The following KIF13A variants were observed in gnomAD, a reference collection of about 807,000 sequenced individuals.
KIF13A encodes the protein kinesin-like protein KIF13A.
Under a neutral mutation model 212.2 loss-of-function variants are expected in KIF13A, and 79 were observed. The observed-to-expected ratio is 0.37, with a 90% CI of 0.31 to 0.45. KIF13A has a LOEUF of 0.45. KIF13A is among the 20% of genes least tolerant of loss of function. KIF13A has a pLI of 1.00. For synonymous variants in KIF13A, 789 were observed against 808.6 expected, an observed-to-expected ratio of 0.98 and a Z score of 0.41; for missense variants, 1,901 against 2,209.0, an observed-to-expected ratio of 0.86 and a Z score of 2.79.
chr6:17,897,034 C>T lies in KIF13A; in HGVS notation c.159+1134G>A, dbSNP rs1772632144. Among the ~76,000 whole-genome samples the T allele has an allele frequency of 1.3e-5, 2 of 152,148 alleles. No individual in the cohort carries two copies. On this transcript the variant is annotated intron_variant, in intron 3 of 38. Coordinates refer to ENST00000259711, the MANE Select transcript of KIF13A (RefSeq NM_022113.6). The surrounding 1 kb of genome is among the most constrained non-coding windows in gnomAD (Gnocchi z 4.8). ...CCTAGATTTGTCCAGAATGCCACTG[C>T]CAATACTTTTCTAATATATTATATA...
At chr6:17,860,164 G>C (rs1400290369) in intron 4 of KIF13A, among the ~76,000 whole-genome samples, 1 of 152,006 alleles carries the variant, frequency 6.6e-6, no homozygotes, top group Non-Finnish European at 1.5e-5. Context: ...TTTACAGACT[G>C]TCAGAACTCA....
chr6:17,916,060 C>A (rs193226075), intron 2 of KIF13A, among the ~76,000 whole-genome samples: 4 of 152,136 alleles, frequency 2.6e-5, no homozygotes, highest in African/African-American at 9.7e-5. Flanking sequence ...GTTTCTCATC[C>A]TGATTCCCAA....
At chr6:17,885,382 G>A (rs1383055508) in intron 3 of KIF13A, among the ~76,000 whole-genome samples, 1 of 152,096 alleles carries the variant, frequency 6.6e-6, no homozygotes, top group African/African-American at 2.4e-5. Context: ...CTGTCTTTTG[G>A]CAATGTAATT....
chr6:17,793,640 C>T (rs190429094), intron 25 of KIF13A, among the ~76,000 whole-genome samples: 25 of 151,912 alleles, frequency 1.6e-4, no homozygotes, highest in African/African-American at 6.0e-4. Context: ...TGGCCAGGTG[C>T]GGTGGCTCAT....
intron 16 of KIF13A, among the ~76,000 whole-genome samples, chr6:17,822,262 C>A (rs966286524): frequency 6.6e-6 from 1 of 152,094 alleles, no homozygotes; most frequent in African/African-American, 2.4e-5. Flanking sequence ...AGGGTGGTCT[C>A]GAACTCCTGA....
At position 17,841,677 on chromosome 6, in the gene KIF13A, T is replaced by C. The variant is rs551737115; in HGVS notation, c.831-4094A>G. Among the ~76,000 whole-genome samples the C allele has an allele frequency of 4.6e-5, 7 of 152,302 alleles. No individual in the cohort carries two copies. The South Asian group carries it at 6.2e-4, about 14-fold the overall frequency. ...AGTAGAAGCCGCCCCTTTTATCTAA[T>C]AGTATCCACACATTCAAAACAAGAA... On this transcript the variant is annotated intron_variant, in intron 9 of 38. Coordinates refer to ENST00000259711, the MANE Select transcript of KIF13A (RefSeq NM_022113.6).
intron 19 of KIF13A, among the ~76,000 whole-genome samples, 196 bp downstream of exon 19, chr6:17,805,279 G>A (rs115404796): frequency 0.023 from 3,493 of 152,146 alleles, 92 homozygotes; most frequent in African/African-American, 0.056. Context: ...GGGATCATGT[G>A]TTGTATTACT....
At chr6:17,792,938 T>C (rs903511096) in intron 25 of KIF13A, among the ~76,000 whole-genome samples, 1 of 152,166 alleles carries the variant, frequency 6.6e-6, no homozygotes, top group African/African-American at 2.4e-5. Context: ...CTCGGCACGA[T>C]AGGGAGAGTG....
rs1772985244 is a variant in KIF13A, at chr6:17,900,831, C to A, written c.147-2651G>T. 6.6e-6 allele frequency among the ~76,000 whole-genome samples: 1 copy of A among 152,144 alleles called. No homozygotes were observed. Among genetic ancestry groups the A allele is most frequent in the Non-Finnish European group, 1.5e-5 (1 of 68,032 alleles). On this transcript the variant is annotated intron_variant, in intron 2 of 38. Transcript: ENST00000259711. This position sits in a 1 kb window ranked among gnomAD's most constrained non-coding sequence, Gnocchi z 4.6. The stretch of plus-strand genomic sequence containing the variant: ...CAGTGGCTCACACCTGTAATCCCAG[C>A]ACTTTGGGAGGCTGAGGCAGGCGGA...
At chr6:17,842,088 G>A (rs1766585335) in intron 9 of KIF13A, among the ~76,000 whole-genome samples, 1 of 150,264 alleles carries the variant, frequency 6.7e-6, no homozygotes, top group African/African-American at 2.5e-5. Context: ...TTGCTCTGTC[G>A]CCCAGGCTGG....
chr6:17,973,514 T>C (rs2150614701), intron 2 of KIF13A, among the ~76,000 whole-genome samples: 1 of 152,224 alleles, frequency 6.6e-6, no homozygotes, highest in African/African-American at 2.4e-5. Flanking sequence ...GGCCAAGAAG[T>C]AAATTAAAAT....
rs149283256 is a variant in KIF13A at position 17,770,879 on chromosome 6, G to A, written c.4581+235C>T. ...TATAAAGGCCAGAAGCAATAAAAGT[G>A]CCTTTCTCCCTTTTTCTAAGCAAAC... On this transcript the variant is annotated intron_variant, in intron 38 of 38. Coordinates refer to ENST00000259711, the MANE Select transcript of KIF13A (RefSeq NM_022113.6). 1.4e-4 allele frequency: 84 copies of A among 580,918 alleles called. 1 individual carries two copies. In the African/African-American group the frequency reaches 1.4e-3, roughly 10 times the overall value. The allele number at this position is 580,918 out of a possible 1,614,324, so 36.0% of individuals were successfully genotyped here. A position where few individuals can be genotyped will look rare whatever the true frequency, so the allele number is the denominator to read the frequency against.
At chr6:17,851,906 C>CT in intron 7 of KIF13A, 49 bp downstream of exon 7, 1 of 997,160 alleles carries the variant, frequency 1.0e-6, no homozygotes, top group Middle Eastern at 2.1e-4. Context: ...CACTTACATA[C>CT]TTTGATTTAT....
In KIF13A at chr6:17,786,611, T is replaced by C. The variant is rs9383324; in HGVS notation, c.3362-970A>G. ...GGAGACTCCATCTCAAAAATAAAAA[T>C]AAAAAAATAAAAAACCCACCATATA... On this transcript the variant is annotated intron_variant, in intron 27 of 38. Coordinates refer to ENST00000259711, the MANE Select transcript of KIF13A (RefSeq NM_022113.6). This position sits in a 1 kb window ranked among gnomAD's most constrained non-coding sequence, Gnocchi z 5.4. Among the ~76,000 whole-genome samples the C allele has an allele frequency of 6.6e-6, 1 of 151,712 alleles. No homozygotes were observed. The highest frequency in any genetic ancestry group is 6.6e-5 in the Admixed American group (1 of 15,230).
Position 17,951,484 on chromosome 6 carries a change from A to G in KIF13A, c.146+35570T>C, listed in dbSNP as rs533478708. On this transcript the variant is annotated intron_variant, in intron 2 of 38. Transcript: ENST00000259711. The surrounding 1 kb of genome is among the most constrained non-coding windows in gnomAD (Gnocchi z 4.9). The stretch of plus-strand genomic sequence containing the variant: ...TTAAGATATAATTTATATACCATAC[A>G]ATTTACCCACTAAAAGTGTCCAATT... 1.0e-5 allele frequency: 5 copies of G among 478,198 alleles called. No individual in the cohort carries two copies. The highest frequency in any genetic ancestry group is 2.0e-5 in the African/African-American group (1 of 49,898). The allele number at this position is 478,198 out of a possible 1,614,324, so 29.6% of individuals were successfully genotyped here.
rs146153715 is a variant in KIF13A at position 17,832,594 on chromosome 6, C to T, written c.1267-1359G>A. ...CGGAGGTTGCAGTGAGCCAAGATTG[C>T]GCCACTGCATTCCAGCCTGGGTGAC... is the stretch of plus-strand genomic sequence containing the variant. On this transcript the variant is annotated intron_variant, in intron 12 of 38. Coordinates refer to ENST00000259711, the MANE Select transcript of KIF13A (RefSeq NM_022113.6). 2.7e-3 allele frequency among the ~76,000 whole-genome samples: 403 copies of T among 151,258 alleles called. 3 individuals are homozygous for T. Among genetic ancestry groups the T allele is most frequent in the African/African-American group, 9.2e-3 (381 of 41,258 alleles).
At chr6:17,800,312 G>A (rs1186070299) in intron 20 of KIF13A, among the ~76,000 whole-genome samples, 199 bp from the exon 21 acceptor site, 2 of 151,910 alleles carry the variant, frequency 1.3e-5, no homozygotes, top group Non-Finnish European at 2.9e-5. Context: ...GCCTTAGTGT[G>A]AGCCAAATTT....
chr6:17,963,193 G>A lies in KIF13A; in HGVS notation c.146+23861C>T, dbSNP rs1396617360. ...AGCACTTTGGGAGGCCGAGGTGGGCGGATCACCTGAGGTGGGGAGTTCAAG... is the reference window on the plus strand; with the variant it reads ...AGCACTTTGGGAGGCCGAGGTGGGCAGATCACCTGAGGTGGGGAGTTCAAG... On this transcript the variant is annotated intron_variant, in intron 2 of 38. Coordinates refer to ENST00000259711, the MANE Select transcript of KIF13A (RefSeq NM_022113.6). The surrounding 1 kb of genome is among the most constrained non-coding windows in gnomAD (Gnocchi z 4.1). Among the ~76,000 whole-genome samples the A allele has an allele frequency of 6.6e-6, 1 of 152,126 alleles. No homozygotes were observed. Among genetic ancestry groups the A allele is most frequent in the Non-Finnish European group, 1.5e-5 (1 of 68,018 alleles).
At position 17,787,530 on chromosome 6, in the gene KIF13A, G is replaced by A. The variant is rs1272339826; in HGVS notation, c.3361+246C>T. Among the ~76,000 whole-genome samples, 1 of 152,008 alleles carries A rather than the reference G, an allele frequency of 6.6e-6. No individual in the cohort carries two copies. The highest frequency in any genetic ancestry group is 1.5e-5 in the Non-Finnish European group (1 of 68,022). ...GCCAGGAGTGGTAGCTTGTGCCTGT[G>A]GTCTCAGCTACTCAGGAGGCTGAGG... On this transcript the variant is annotated intron_variant, in intron 27 of 38. Coordinates refer to ENST00000259711, the MANE Select transcript of KIF13A (RefSeq NM_022113.6). The surrounding 1 kb of genome is among the most constrained non-coding windows in gnomAD (Gnocchi z 4.6).
Sources: gnomAD v4.1 joint callset for allele counts (sites outside exome capture counted in the v4.1 genomes callset) on GRCh38, gnomAD v4.1.1 for gene constraint, Gnocchi (gnomAD v3.1) non-coding constraint, MANE v1.5 for transcripts, NCBI Gene and HGNC (gene_info 2026-07-23, HGNC 2026-07-21) for gene names.